Variants in LARP1B observed in about 807,000 individuals in gnomAD.
LARP1B encodes La ribonucleoprotein 1B, also known as la-related protein 1B.
Under a neutral mutation model 114.2 loss-of-function variants are expected in LARP1B, and 76 were observed. That is an observed-to-expected ratio of 0.67 (90% CI 0.55 to 0.81). The LOEUF is 0.81. LARP1B is among the 30% of genes least tolerant of loss of function. The probability of loss-of-function intolerance (pLI) is 0.00; values close to 1 mark genes in which losing one functional copy is unlikely to be tolerated. For missense variants in LARP1B, 1,014 were observed against 1,075.8 expected, an observed-to-expected ratio of 0.94 and a Z score of 0.80; for synonymous variants, 345 against 348.0, an observed-to-expected ratio of 0.99 and a Z score of 0.10.
intron 11 of LARP1B, among the ~76,000 whole-genome samples, chr4:128,134,730 C>T (rs1580841578): frequency 6.6e-6 from 1 of 152,154 alleles, no homozygotes; most frequent in East Asian, 1.9e-4. Flanking sequence ...TAAAGAACTC[C>T]TACAAATCAA....
At chr4:128,132,948 A>G (rs1792040115) in intron 11 of LARP1B, among the ~76,000 whole-genome samples, 1 of 151,852 alleles carries the variant, frequency 6.6e-6, no homozygotes, top group South Asian at 2.1e-4. Context: ...CAGATCATCA[A>G]GCATTAGATT....
At chr4:128,139,553 T>C (rs1221045370) in intron 11 of LARP1B, among the ~76,000 whole-genome samples, 1 of 150,696 alleles carries the variant, frequency 6.6e-6, no homozygotes, top group East Asian at 1.9e-4. Flanking sequence ...ATAAAGTAGA[T>C]TTACTAAATG....
intron 11 of LARP1B, among the ~76,000 whole-genome samples, chr4:128,144,025 A>G (rs1323390313): frequency 6.6e-6 from 1 of 152,090 alleles, no homozygotes; most frequent in Admixed American, 6.6e-5. Context: ...GAACTAGGTG[A>G]TTCTTTGTTG....
At chr4:128,142,570 G>A (rs1224534262) in intron 11 of LARP1B, among the ~76,000 whole-genome samples, 3 of 150,200 alleles carry the variant, frequency 2.0e-5, no homozygotes, top group East Asian at 3.9e-4. Flanking sequence ...GTTCAATGGC[G>A]CGATCTCTGC....
chr4:128,061,865 A>G, intron 1 of LARP1B: 1 of 985,042 alleles, frequency 1.0e-6, no homozygotes, highest in Non-Finnish European at 1.2e-6. Flanking sequence ...GGCCGCCACT[A>G]GCGCTGGGGC....
At position 128,178,035 on chromosome 4, in the gene LARP1B, GATATATATATAT is replaced by G. The variant is rs35878913; in HGVS notation, c.1685-382_1685-371del. The stretch of plus-strand genomic sequence containing the variant: ...AAAACATGAAAAAAGTTTACAAAGT[GATATATATATAT>G]ATATATATATATAGCATTATGTTAC... On this transcript the variant is annotated intron_variant, in intron 13 of 19. Transcript: ENST00000326639. Among the ~76,000 whole-genome samples, 13 of 137,848 alleles carry G rather than the reference GATATATATATAT, an allele frequency of 9.4e-5. No individual in the cohort carries two copies. In the East Asian group the frequency reaches 1.8e-3, roughly 19 times the overall value. The allele number at this position is 137,848 out of a possible 152,430, so 90.4% of individuals were successfully genotyped here.
intron 1 of LARP1B, chr4:128,061,997 G>C (rs1444726169): frequency 1.0e-6 from 1 of 985,044 alleles, no homozygotes; most frequent in Non-Finnish European, 1.2e-6. Context: ...CCCTTTCGGC[G>C]GGGAGCCGCC....
chr4:128,079,632 T>TG (rs1769466394), intron 4 of LARP1B, among the ~76,000 whole-genome samples: 1 of 152,110 alleles, frequency 6.6e-6, no homozygotes, highest in Non-Finnish European at 1.5e-5. Flanking sequence ...GGCATGCTCG[T>TG]GGCCCACTGC....
In LARP1B at chr4:128,151,117, A is replaced by G. The variant is rs748463290; in HGVS notation, c.1525-11077A>G. On this transcript the variant is annotated intron_variant, in intron 11 of 19. Transcript: ENST00000326639. ...GAATGCCAGTATATTGTTCACCTAG[A>G]TTTGGCAAACATCTTACCATATTTC... Among the ~76,000 whole-genome samples the G allele has an allele frequency of 4.5e-4, 69 of 152,214 alleles. 1 individual carries two copies. Among genetic ancestry groups the G allele is most frequent in the African/African-American group, 1.6e-3 (67 of 41,458 alleles).
At chr4:128,202,468 C>T (rs962952607) in intron 17 of LARP1B, among the ~76,000 whole-genome samples, 5 of 152,130 alleles carry the variant, frequency 3.3e-5, no homozygotes, top group African/African-American at 1.2e-4. Context: ...TTTTTATGTA[C>T]ACACATATAG....
chr4:128,067,439 C>G (rs1288526408), intron 1 of LARP1B, among the ~76,000 whole-genome samples: 1 of 152,172 alleles, frequency 6.6e-6, no homozygotes, highest in Admixed American at 6.5e-5. Context: ...GAGAATATTT[C>G]AGGACAGAAA....
Position 128,098,312 on chromosome 4 carries a change from C to T in LARP1B, c.795C>T (p.Asn265=). The T allele has an allele frequency of 6.2e-7, 1 of 1,612,578 alleles. No individual in the cohort carries two copies. The highest frequency in any genetic ancestry group is 1.3e-5 in the African/African-American group (1 of 75,000). Residue 265 remains asparagine (N), a synonymous_variant, in exon 8 of 20, where the codon AAC becomes AAT. Transcript: ENST00000326639. ...GFQRVQALTT[N]LNLILEALKD... ...AGCGTGTTCAGGCTCTCACTACAAACCTTAATCTCATCTTAGAGGTAATTG... is the reference window on the plus strand; with the variant it reads ...AGCGTGTTCAGGCTCTCACTACAAATCTTAATCTCATCTTAGAGGTAATTG...
intron 1 of LARP1B, among the ~76,000 whole-genome samples, chr4:128,064,536 G>A (rs1486627123): frequency 1.3e-5 from 2 of 152,132 alleles, no homozygotes; most frequent in African/African-American, 4.8e-5. Flanking sequence ...AAGAGAACAT[G>A]GTTAAGTGAA....
chr4:128,204,867 T>A (rs75241399), intron 17 of LARP1B, among the ~76,000 whole-genome samples: 1 of 149,518 alleles, frequency 6.7e-6, no homozygotes, highest in Non-Finnish European at 1.5e-5. Flanking sequence ...TTTTAAAAAT[T>A]AAAAAAAAAG....
chr4:128,191,079 AT>A (rs1353485254), intron 15 of LARP1B, among the ~76,000 whole-genome samples: 1 of 147,100 alleles, frequency 6.8e-6, no homozygotes, highest in African/African-American at 2.5e-5. Context: ...CCTGTAATCC[AT>A]TTTTCAGAAA....
chr4:128,172,483 A>C (rs1014813600), intron 12 of LARP1B, among the ~76,000 whole-genome samples: 2 of 152,160 alleles, frequency 1.3e-5, no homozygotes, highest in Admixed American at 6.5e-5. Context: ...ACCTGAGGTC[A>C]GGAGTTCGAG....
intron 17 of LARP1B, among the ~76,000 whole-genome samples, chr4:128,205,267 T>C (rs532552315): frequency 6.6e-6 from 1 of 152,370 alleles, no homozygotes; most frequent in African/African-American, 2.4e-5. Context: ...GTTAATATTA[T>C]GTTAGCAGAA....
chr4:128,076,629 GTAGC>G (rs1157991619), intron 3 of LARP1B, among the ~76,000 whole-genome samples: 3 of 152,124 alleles, frequency 2.0e-5, no homozygotes, highest in African/African-American at 7.2e-5. Context: ...GGATCACTTA[GTAGC>G]TACCTGTTTT....
At chr4:128,200,860 T>C (rs979638432) in intron 17 of LARP1B, among the ~76,000 whole-genome samples, 195 bp downstream of exon 17, 5 of 152,236 alleles carry the variant, frequency 3.3e-5, no homozygotes, top group African/African-American at 1.2e-4. Flanking sequence ...TATTTCTGCA[T>C]TGCAAATTAC....
Sources: allele counts gnomAD v4.1 joint callset (sites outside exome capture counted in the v4.1 genomes callset), GRCh38; gene constraint gnomAD v4.1.1; transcripts MANE v1.5; gene names NCBI Gene and HGNC (gene_info 2026-07-23, HGNC 2026-07-21).